The following AGBL5 variants were observed in gnomAD, a reference collection of about 807,000 sequenced individuals.
AGBL5 encodes cytosolic carboxypeptidase-like protein 5.
In AGBL5, 51 loss-of-function variants were observed where a neutral mutation model predicts 88.0. The ratio of observed to expected loss-of-function variants is 0.58; its 90% CI spans 0.46 to 0.73. The LOEUF is 0.73. AGBL5 is among the 30% of genes least tolerant of loss of function. The pLI is 0.00. For synonymous variants in AGBL5, 446 were observed against 438.8 expected (o/e 1.02, Z -0.21); for missense variants, 1,031 against 1,162.2 (o/e 0.89, Z 1.64).
In AGBL5 at chr2:27,057,376, C is replaced by A; in HGVS notation, c.1609C>A (p.Arg537Ser). The A allele has an allele frequency of 6.2e-6, 10 of 1,614,004 alleles. No homozygotes were observed. The highest frequency in any genetic ancestry group is 8.5e-6 in the Non-Finnish European group (10 of 1,179,934). ...CCCTGCTGCCTGCCATGACAATGGG[C>A]GTGCCAGCCCCCCTCCCCCGCCGGC... is the stretch of plus-strand genomic sequence containing the variant. ...SIPAACHDNG[R>S]ASPPPPPAFP... is the part of the protein sequence containing the mutation. Residue 537 changes from arginine (R) to serine (S), a missense_variant, in exon 9 of 15, where the codon CGT (arginine) becomes AGT (serine). Physicochemically the swap from Arg to Ser is moderately radical, Grantham distance 110. This residue lies in a region of AGBL5 where 491 missense variants were observed against 484.0 expected (regional missense o/e 1.01). Coordinates refer to ENST00000360131, the MANE Select transcript of AGBL5 (RefSeq NM_021831.6).
upstream of AGBL5, among the ~76,000 whole-genome samples, chr2:27,050,646 G>A (rs1212456876): frequency 2.6e-5 from 4 of 152,264 alleles, no homozygotes; most frequent in Non-Finnish European, 5.9e-5. Flanking sequence ...TTGGGTCTCC[G>A]GCTTTCTCAG....
chr2:27,057,576 C>T, intron 9 of AGBL5, 138 bp downstream of exon 9: 2 of 1,057,778 alleles, frequency 1.9e-6, no homozygotes, highest in South Asian at 1.8e-5. Flanking sequence ...TTATTTTCCT[C>T]AGTTAACAGG....
chr2:27,056,835 A>G, intron 8 of AGBL5, 43 bp downstream of exon 8: 1 of 1,559,450 alleles, frequency 6.4e-7, no homozygotes, highest in African/African-American at 1.4e-5. Flanking sequence ...TAGCTTCCCT[A>G]AAGAAAACAC....
At chr2:27,067,736 A>C (rs79934267) in intron 12 of AGBL5, 90 bp downstream of exon 12, 7 of 1,389,350 alleles carry the variant, frequency 5.0e-6, no homozygotes, top group Non-Finnish European at 7.1e-6. Flanking sequence ...GACCAGGGGC[A>C]TCACTTATCC....
At chr2:27,058,910 C>A (rs375907755) in intron 10 of AGBL5, among the ~76,000 whole-genome samples, 2 of 152,182 alleles carry the variant, frequency 1.3e-5, no homozygotes, top group Non-Finnish European at 1.5e-5. Context: ...TTGTGAATGA[C>A]TGACTGAAGG....
rs767104618 is a variant in AGBL5, at chr2:27,067,508, GA to G, written c.2105del (p.Asp702AlafsTer9). On this transcript the variant is annotated frameshift_variant, in exon 12 of 15. Coordinates refer to ENST00000360131, the MANE Select transcript of AGBL5 (RefSeq NM_021831.6). LOFTEE classifies it high-confidence loss of function. ...LGPVREPRSQDRRRQQQPLNH... is the reference protein window; with the variant it reads ...LGPVREPRSQXRRRQQQPLNH... ...CTTCCACTCAGAGCCCCGAAGCCAG[GA>G]CAGGAGACGGCAGCAGCAGCCCCTG... is the stretch of plus-strand genomic sequence containing the variant. 1.9e-6 allele frequency: 3 copies of G among 1,613,902 alleles called. No homozygotes were observed. In the Admixed American group the frequency reaches 5.0e-5, roughly 27 times the overall value.
intron 11 of AGBL5, among the ~76,000 whole-genome samples, chr2:27,066,014 C>A (rs1668967447): frequency 6.6e-6 from 1 of 152,198 alleles, no homozygotes; most frequent in South Asian, 2.1e-4. Context: ...AATCCCAGCA[C>A]TTTGGGAACT....
At chr2:27,050,705 G>C (rs933744013), upstream of AGBL5, among the ~76,000 whole-genome samples, 3 of 152,224 alleles carry the variant, frequency 2.0e-5, no homozygotes, top group African/African-American at 7.2e-5. Flanking sequence ...CCTTCAGCTG[G>C]AGAAAGCGGG....
Position 27,060,417 on chromosome 2 carries a change from G to A in AGBL5, c.2089+1013G>A, listed in dbSNP as rs990668636. ...AATTAACGGGAGTAACCTGGATTGCGGAGGGGGAGAGATTGTTATAGTGCC... is the reference window on the plus strand; with the variant it reads ...AATTAACGGGAGTAACCTGGATTGCAGAGGGGGAGAGATTGTTATAGTGCC... On this transcript the variant is annotated intron_variant, in intron 11 of 14. Transcript: ENST00000360131. 6.6e-5 allele frequency among the ~76,000 whole-genome samples: 10 copies of A among 152,202 alleles called. 1 individual carries two copies. The highest frequency in any genetic ancestry group is 1.3e-4 in the Admixed American group (2 of 15,276).
chr2:27,062,639 G>A (rs1183913381), intron 11 of AGBL5: 3 of 152,242 alleles, frequency 2.0e-5, no homozygotes, highest in Non-Finnish European at 2.9e-5. Context: ...CAACATGAGA[G>A]CGCACAAACA....
chr2:27,050,862 C>G (rs562681871), upstream of AGBL5: 2 of 152,222 alleles, frequency 1.3e-5, no homozygotes, highest in African/African-American at 2.4e-5. Context: ...TCGATTCCGG[C>G]TCGAAGGACT....
chr2:27,054,947 T>C, intron 5 of AGBL5, 128 bp from the exon 6 acceptor site: 1 of 1,480,210 alleles, frequency 6.8e-7, no homozygotes, highest in Non-Finnish European at 9.2e-7. Flanking sequence ...TGGCCCCTGC[T>C]CCACTTGCAG....
chr2:27,052,327 T>C (rs1668198730), intron 1 of AGBL5: 1 of 152,256 alleles, frequency 6.6e-6, no homozygotes, highest in South Asian at 2.1e-4. Flanking sequence ...TTTTTCTCCA[T>C]ACTAGGCATA....
In AGBL5 at chr2:27,069,203, G is replaced by A. The variant is rs1367739218; in HGVS notation, c.2356-370G>A. On this transcript the variant is annotated intron_variant, in intron 13 of 14. Transcript: ENST00000360131. The stretch of plus-strand genomic sequence containing the variant: ...GTATAGGCAGAGGCTGACTGGATGG[G>A]TGAAGTGTACACTGCTCTGGCAGGG... 8.1e-6 allele frequency: 11 copies of A among 1,353,688 alleles called. No homozygotes were observed. The South Asian group carries it at 1.1e-4, about 14-fold the overall frequency. 83.9% of individuals were successfully genotyped at this position (1,353,688 alleles called of 1,614,324 possible).
chr2:27,068,786 C>A, intron 13 of AGBL5, 42 bp downstream of exon 13: 1 of 1,609,438 alleles, frequency 6.2e-7, no homozygotes, highest in Non-Finnish European at 8.5e-7. Flanking sequence ...CTGGCAGAAC[C>A]CAGCAAGGCA....
At chr2:27,063,100 G>A in intron 11 of AGBL5, among the ~76,000 whole-genome samples, 1 of 152,208 alleles carries the variant, frequency 6.6e-6, no homozygotes, top group East Asian at 1.9e-4. Context: ...AGAAAAGGGG[G>A]CAGGATTCAG....
intron 10 of AGBL5, 130 bp from the exon 11 acceptor site, chr2:27,059,060 C>A: frequency 1.1e-6 from 1 of 870,844 alleles, no homozygotes; most frequent in Non-Finnish European, 1.8e-6. Context: ...GAATTCCTCA[C>A]TTCTTCCTTG....
intron 12 of AGBL5, 134 bp from the exon 13 acceptor site, chr2:27,068,498 C>G (rs1669106023): frequency 1.4e-6 from 1 of 695,666 alleles, no homozygotes; most frequent in Non-Finnish European, 2.4e-6. Flanking sequence ...CTACAATGCA[C>G]AAGACTACTC....
At chr2:27,063,761 T>C (rs1425315971) in intron 11 of AGBL5, among the ~76,000 whole-genome samples, 1 of 152,192 alleles carries the variant, frequency 6.6e-6, no homozygotes, top group Non-Finnish European at 1.5e-5. Context: ...AAGTAACTGC[T>C]GCTGTAAACA....
Sources: allele counts gnomAD v4.1 joint callset (sites outside exome capture counted in the v4.1 genomes callset), GRCh38; gene constraint gnomAD v4.1.1; regional missense constraint gnomAD v4.1.1; transcripts MANE v1.5; gene names NCBI Gene and HGNC (gene_info 2026-07-23, HGNC 2026-07-21).